Variants in TENM4 observed in about 807,000 individuals in gnomAD.
TENM4 encodes teneurin-4.
Under a neutral mutation model 243.3 loss-of-function variants are expected in TENM4, and 82 were observed. The ratio of observed to expected loss-of-function variants is 0.34; its 90% confidence interval spans 0.28 to 0.40. The LOEUF is 0.40. Ranked by LOEUF, TENM4 falls within the 10% of genes least tolerant of loss-of-function variation. TENM4 has a pLI of 1.00. For missense variants in TENM4, 3,138 were observed against 3,673.3 expected (o/e 0.85, Z 3.77); for synonymous variants, 1,412 against 1,456.3 (o/e 0.97, Z 0.69).
chr11:78,945,400 C>T (rs76355891), intron 6 of TENM4, among the ~76,000 whole-genome samples: 3,753 of 152,238 alleles, frequency 0.025, 132 homozygotes, highest in African/African-American at 0.08. Flanking sequence ...TGTAAGATGG[C>T]AAACCTAGTG....
At chr11:79,394,291 T>C (rs570393282) in intron 1 of TENM4, among the ~76,000 whole-genome samples, 31 of 152,260 alleles carry the variant, frequency 2.0e-4, no homozygotes, top group Non-Finnish European at 4.0e-4. Context: ...CCTGTGGGGA[T>C]GTGAGGAGGG....
intron 1 of TENM4, among the ~76,000 whole-genome samples, chr11:79,333,886 C>T (rs2135449170): frequency 6.6e-6 from 1 of 152,332 alleles, no homozygotes; most frequent in Middle Eastern, 3.4e-3. Flanking sequence ...TCAAGGCTGT[C>T]TGGCTCTAGA....
At chr11:79,428,864 A>G (rs952585517) in intron 1 of TENM4, among the ~76,000 whole-genome samples, 1 of 152,234 alleles carries the variant, frequency 6.6e-6, no homozygotes, top group African/African-American at 2.4e-5. Flanking sequence ...GGAGGAGACT[A>G]ACATTCAGTA....
At chr11:78,875,075 C>G (rs1191100458) in intron 9 of TENM4, among the ~76,000 whole-genome samples, 1 of 152,222 alleles carries the variant, frequency 6.6e-6, no homozygotes, top group Non-Finnish European at 1.5e-5. Context: ...ACATTCATAA[C>G]CTGGCCTCCT....
intron 1 of TENM4, among the ~76,000 whole-genome samples, chr11:79,397,436 C>A (rs1384205975): frequency 1.3e-5 from 2 of 152,200 alleles, no homozygotes; most frequent in Non-Finnish European, 2.9e-5. Context: ...CCCCCTCCAA[C>A]TATGTGCTAC....
chr11:78,894,019 G>A (rs1435601303), intron 7 of TENM4, among the ~76,000 whole-genome samples: 5 of 152,152 alleles, frequency 3.3e-5, no homozygotes, highest in African/African-American at 1.2e-4. Context: ...AGGAATATGT[G>A]GTACATGGTA....
chr11:78,708,660 G>A lies in TENM4; in HGVS notation c.4055-145C>T, dbSNP rs555210754. On this transcript the variant is annotated intron_variant, in intron 26 of 33. Transcript: ENST00000278550. The stretch of plus-strand genomic sequence containing the variant: ...CAACCTTCATTCCTCTCTCAAAGAG[G>A]AGGAGTCTCAGGCTCAGAGGCCTTG... The A allele has an allele frequency of 2.6e-4, 266 of 1,017,496 alleles. 1 individual carries two copies. The African/African-American group carries it at 3.9e-3, about 15-fold the overall frequency. 63.0% of individuals were successfully genotyped at this position (1,017,496 alleles called of 1,614,324 possible). A position where few individuals can be genotyped will look rare whatever the true frequency, so the allele number is the denominator to read the frequency against.
At chr11:79,178,484 AAGTAGTG>A (rs1470882098) in intron 3 of TENM4, among the ~76,000 whole-genome samples, 1 of 152,158 alleles carries the variant, frequency 6.6e-6, no homozygotes, top group East Asian at 1.9e-4. Flanking sequence ...GAGGTGGAAG[AAGTAGTG>A]AGTAGTGTGG....
chr11:78,773,982 T>C (rs967528086), intron 17 of TENM4, among the ~76,000 whole-genome samples: 10 of 152,248 alleles, frequency 6.6e-5, no homozygotes, highest in Non-Finnish European at 1.2e-4. Flanking sequence ...TGTGTTGTAA[T>C]AGAGCGAGGA....
rs1044817990 is a variant in TENM4 at position 78,862,899 on chromosome 11, A to C, written c.1255+63T>G. ...GGCACATGATGCACGCACGTTATGG[A>C]GGGCTCTTCAGCTCAGAGGCAGACA... On this transcript the variant is annotated intron_variant, in intron 10 of 33. Coordinates refer to ENST00000278550, the MANE Select transcript of TENM4 (RefSeq NM_001098816.3). 2.3e-5 allele frequency: 30 copies of C among 1,318,586 alleles called. No individual in the cohort carries two copies. The Admixed American group carries it at 8.1e-4, about 36-fold the overall frequency. 81.7% of individuals were successfully genotyped at this position (1,318,586 alleles called of 1,614,324 possible).
In TENM4 at chr11:79,032,076, C is replaced by T. The variant is rs577687221; in HGVS notation, c.493+32662G>A. 1.1e-3 allele frequency among the ~76,000 whole-genome samples: 163 copies of T among 152,268 alleles called. 2 individuals carry two copies. Among genetic ancestry groups the T allele is most frequent in the Middle Eastern group, 3.4e-3 (1 of 294 alleles). On this transcript the variant is annotated intron_variant, in intron 6 of 33. Coordinates refer to ENST00000278550, the MANE Select transcript of TENM4 (RefSeq NM_001098816.3). ...GCCTCACTTAGATGTATTTTAGTCA[C>T]CATAATTAAGATTACTACCATCAGT...
chr11:79,200,530 A>C (rs1863718359), intron 3 of TENM4, among the ~76,000 whole-genome samples: 1 of 152,218 alleles, frequency 6.6e-6, no homozygotes. Context: ...ACATCAGAGC[A>C]ATGCAGGCTG....
intron 3 of TENM4, among the ~76,000 whole-genome samples, chr11:79,158,002 T>G (rs1360798146): frequency 6.6e-6 from 1 of 152,192 alleles, no homozygotes; most frequent in Non-Finnish European, 1.5e-5. Flanking sequence ...ACGTCCTACC[T>G]GCAAAGCTAG....
At chr11:78,993,633 C>T (rs375888903) in intron 6 of TENM4, among the ~76,000 whole-genome samples, 15 of 152,074 alleles carry the variant, frequency 9.9e-5, no homozygotes, top group African/African-American at 3.6e-4. Context: ...TTTTATTCCA[C>T]AGTGTACAAT....
intron 4 of TENM4, among the ~76,000 whole-genome samples, chr11:79,101,709 G>A (rs1449877466): frequency 6.6e-6 from 1 of 152,214 alleles, no homozygotes; most frequent in East Asian, 1.9e-4. Context: ...CAGAAAACAT[G>A]CTGTAACTGT....
At chr11:79,185,259 C>T (rs541286236) in intron 3 of TENM4, among the ~76,000 whole-genome samples, 1 of 152,234 alleles carries the variant, frequency 6.6e-6, no homozygotes, top group African/African-American at 2.4e-5. Flanking sequence ...GATCGTACCA[C>T]TGCACTCTCC....
intron 6 of TENM4, among the ~76,000 whole-genome samples, chr11:79,028,102 A>G (rs1591221380): frequency 6.6e-6 from 1 of 152,320 alleles, no homozygotes; most frequent in African/African-American, 2.4e-5. Flanking sequence ...GACCCTTGGC[A>G]AGTTGCTTAA....
chr11:78,964,613 A>G (rs1474202811), intron 6 of TENM4, among the ~76,000 whole-genome samples: 1 of 152,118 alleles, frequency 6.6e-6, no homozygotes, highest in Non-Finnish European at 1.5e-5. Context: ...CCCTGACACC[A>G]CTGACCACCC....
chr11:79,426,078 A>G (rs1859043572), intron 1 of TENM4, among the ~76,000 whole-genome samples: 1 of 152,178 alleles, frequency 6.6e-6, no homozygotes, highest in Non-Finnish European at 1.5e-5. Context: ...TCCCACCTTC[A>G]GGAGTAGGCT....
Sources: gnomAD v4.1 joint callset for allele counts (sites outside exome capture counted in the v4.1 genomes callset) on GRCh38, gnomAD v4.1.1 for gene constraint, MANE v1.5 for transcripts, NCBI Gene and HGNC (gene_info 2026-07-23, HGNC 2026-07-21) for gene names.